IQCE: variants seen among roughly 807,000 people sequenced by gnomAD.
IQCE encodes IQ domain-containing protein E.
In IQCE, 115 loss-of-function variants were observed where a neutral mutation model predicts 96.0. The ratio of observed to expected loss-of-function variants is 1.20; its 90% CI spans 1.03 to 1.40. The LOEUF (loss-of-function observed/expected upper bound fraction) is 1.40. Ranked by LOEUF, IQCE falls within the 40% of genes most tolerant of loss-of-function variation. IQCE has a pLI of 0.00. For missense variants in IQCE, 1,041 were observed against 909.1 expected (o/e 1.15, Z -1.87); for synonymous variants, 412 against 371.2 (o/e 1.11, Z -1.26).
intron 6 of IQCE, among the ~76,000 whole-genome samples, chr7:2,577,753 G>A (rs1282261416): frequency 9.0e-6 from 1 of 110,538 alleles, no homozygotes; most frequent in Non-Finnish European, 1.8e-5. Context: ...TGGCGTGTGC[G>A]TGGCTGTGCG....
At chr7:2,578,120 G>A (rs559610767) in intron 6 of IQCE, 122 bp from the exon 7 acceptor site, 43 of 694,436 alleles carry the variant, frequency 6.2e-5, no homozygotes, top group South Asian at 3.2e-4. Context: ...GTGGCTGTGC[G>A]CGTGGGGACG....
intron 2 of IQCE, among the ~76,000 whole-genome samples, chr7:2,567,695 G>T (rs1182036235): frequency 6.6e-6 from 1 of 152,198 alleles, no homozygotes; most frequent in African/African-American, 2.4e-5. Flanking sequence ...TGCTCTTCTC[G>T]TGTATGAGCG....
chr7:2,612,159 C>G lies in IQCE; in HGVS notation c.*1997C>G, dbSNP rs1020021621. On this transcript the variant is annotated 3_prime_UTR_variant, in exon 22 of 22. Transcript: ENST00000402050. The stretch of plus-strand genomic sequence containing the variant: ...GTGGCCTAGAGCTTTGGGTTACAGG[C>G]ATGGAGAGGGCTTTCCTGCCTCAGG... 2 of 152,246 alleles carry G rather than the reference C, an allele frequency of 1.3e-5. No individual in the cohort carries two copies. Among genetic ancestry groups the G allele is most frequent in the Admixed American group, 6.5e-5 (1 of 15,286 alleles). The allele number at this position is 152,246 out of a possible 1,614,324, so 9.4% of individuals were successfully genotyped here.
rs78049930 is a variant in IQCE at position 2,607,171 on chromosome 7, C to G, written c.1913C>G (p.Ser638Trp). 2,352 of 1,612,518 alleles carry G rather than the reference C, an allele frequency of 1.5e-3. 33 individuals carry two copies. In the African/African-American group the frequency reaches 0.026, roughly 18 times the overall value. ...TTTAASTRRRSASATHGDASS... is the reference protein window; with the variant it reads ...TTTAASTRRRWASATHGDASS... ...ACCGCAGCTTCTACCAGGAGGAGATCGGCTTCAGCCACACACGGGGACGCC... is the reference window on the plus strand; with the variant it reads ...ACCGCAGCTTCTACCAGGAGGAGATGGGCTTCAGCCACACACGGGGACGCC... The change falls in exon 21 of 22, where the codon TCG becomes TGG. Residue 638 changes from serine to tryptophan, a missense_variant. Coordinates refer to ENST00000402050, the MANE Select transcript of IQCE (RefSeq NM_152558.5).
rs756267665 is a variant in IQCE at position 2,598,449 on chromosome 7, C to T, written c.1441-16C>T. 14 of 1,557,170 alleles carry T rather than the reference C, an allele frequency of 9.0e-6. No individual in the cohort carries two copies. In the South Asian group the frequency reaches 1.3e-4, roughly 15 times the overall value. On this transcript the variant is annotated splice_polypyrimidine_tract_variant and intron_variant, in intron 16 of 21. Transcript: ENST00000402050. ...CCCTGGCTTCATTGTCCTCTTACTCCTTCAATTTCCTGCAGGCCCAAGAGC... is the reference window on the plus strand; with the variant it reads ...CCCTGGCTTCATTGTCCTCTTACTCTTTCAATTTCCTGCAGGCCCAAGAGC...
rs1309831970 is a variant in IQCE at position 2,583,690 on chromosome 7, T to C, written c.755T>C (p.Met252Thr). ...AACCTGGAAGAGATGCGGATCGCCA[T>C]GGAGACATACTACGAGGAGGTGCGC... is the stretch of plus-strand genomic sequence containing the variant. ...TTNLEEMRIA[M>T]ETYYEEVHRL... is the part of the protein sequence containing the mutation. The change falls in exon 10 of 22, where the codon ATG becomes ACG. Residue 252 changes from methionine (M) to threonine (T), a missense_variant. Transcript: ENST00000402050. 3 of 1,552,308 alleles carry C rather than the reference T, an allele frequency of 1.9e-6. No individual in the cohort carries two copies. Among genetic ancestry groups the C allele is most frequent in the Non-Finnish European group, 2.6e-6 (3 of 1,144,634 alleles).
At position 2,610,355 on chromosome 7, in the gene IQCE, G is replaced by A. The variant is rs1583531436; in HGVS notation, c.*193G>A. On this transcript the variant is annotated 3_prime_UTR_variant, in exon 22 of 22. Coordinates refer to ENST00000402050, the MANE Select transcript of IQCE (RefSeq NM_152558.5). ...GCCTTTACTTTATTCTCTGGGGAGGGCCAGCGGCTCGCATCCCCCTCATCT... is the reference window on the plus strand; with the variant it reads ...GCCTTTACTTTATTCTCTGGGGAGGACCAGCGGCTCGCATCCCCCTCATCT... The A allele has an allele frequency of 5.6e-6, 3 of 535,128 alleles. No homozygotes were observed. The highest frequency in any genetic ancestry group is 1.9e-5 in the African/African-American group (1 of 52,202). 33.1% of individuals were successfully genotyped at this position (535,128 alleles called of 1,614,324 possible).
chr7:2,608,223 C>T (rs921280869), intron 21 of IQCE, among the ~76,000 whole-genome samples: 2 of 152,170 alleles, frequency 1.3e-5, no homozygotes, highest in African/African-American at 2.4e-5. Flanking sequence ...GGGCCCGTGG[C>T]GGGCGGAGGC....
At chr7:2,604,758 C>A in intron 18 of IQCE, 123 bp from the exon 19 acceptor site, 1 of 668,918 alleles carries the variant, frequency 1.5e-6, no homozygotes, top group Non-Finnish European at 2.7e-6. Flanking sequence ...CGTGGCTGCA[C>A]AGCAGTGAAG....
intron 8 of IQCE, 51 bp downstream of exon 8, chr7:2,578,577 G>C: frequency 6.3e-7 from 1 of 1,598,102 alleles, no homozygotes; most frequent in Non-Finnish European, 8.6e-7. Flanking sequence ...CTAGTTACTG[G>C]GGACAGCCAC....
intron 8 of IQCE, among the ~76,000 whole-genome samples, 197 bp downstream of exon 8, chr7:2,578,723 C>T (rs1352332559): frequency 6.6e-6 from 1 of 152,146 alleles, no homozygotes; most frequent in Non-Finnish European, 1.5e-5. Context: ...CCACAGAGGC[C>T]AAGCAAGACA....
At chr7:2,583,436 G>A (rs555595850) in intron 9 of IQCE, among the ~76,000 whole-genome samples, 15 of 151,988 alleles carry the variant, frequency 9.9e-5, no homozygotes, top group African/African-American at 2.2e-4. Flanking sequence ...GCTTTCCAGC[G>A]TGAGGAATTC....
intron 17 of IQCE, among the ~76,000 whole-genome samples, chr7:2,600,138 G>C (rs893798158): frequency 6.6e-6 from 1 of 152,064 alleles, no homozygotes; most frequent in African/African-American, 2.4e-5. Context: ...CAATGGGCAG[G>C]CCAATGTGTT....
Position 2,605,911 on chromosome 7 carries a change from C to T in IQCE, c.1779C>T (p.Ala593=). 1 of 1,608,256 alleles carries T rather than the reference C, an allele frequency of 6.2e-7. No homozygotes were observed. Among genetic ancestry groups the T allele is most frequent in the East Asian group, 2.3e-5 (1 of 44,364 alleles). ...SPVPRVPSPI[A]QATGSPVQEE... ...TGCCCCGCGTTCCGAGCCCCATCGC[C>T]CAGGCCACGGGCAGCCCTGTGCAGG... The change falls in exon 20 of 22, where the codon GCC becomes GCT. Residue 593 remains alanine, a synonymous_variant. Transcript: ENST00000402050.
intron 13 of IQCE, among the ~76,000 whole-genome samples, chr7:2,588,198 A>C (rs1783281973): frequency 6.6e-6 from 1 of 152,034 alleles, no homozygotes; most frequent in Admixed American, 6.5e-5. Flanking sequence ...CCCACCACTC[A>C]AGTCGTGTTG....
Position 2,610,602 on chromosome 7 carries a change from C to T in IQCE, c.*440C>T. The T allele has an allele frequency of 5.5e-6, 1 of 180,996 alleles. No homozygotes were observed. Among genetic ancestry groups the T allele is most frequent in the East Asian group, 1.7e-4 (1 of 5,920 alleles). The allele number at this position is 180,996 out of a possible 1,614,324, so 11.2% of individuals were successfully genotyped here. A position where few individuals can be genotyped will look rare whatever the true frequency, so the allele number is the denominator to read the frequency against. Reference sequence around the variant, plus strand: ...CAGGATTTGCTCGATCTCAGCCCAGCAGGCCAGGCAGACACACCCCGCTGT... The same window carrying T: ...CAGGATTTGCTCGATCTCAGCCCAGTAGGCCAGGCAGACACACCCCGCTGT... On this transcript the variant is annotated 3_prime_UTR_variant, in exon 22 of 22. Transcript: ENST00000402050.
intron 8 of IQCE, 28 bp downstream of exon 8, chr7:2,578,554 C>T (rs1342141143): frequency 6.2e-7 from 1 of 1,613,042 alleles, no homozygotes. Flanking sequence ...AGGACAGAGC[C>T]TTTCCCCAGA....
At chr7:2,574,145 T>G (rs1031941355) in intron 6 of IQCE, among the ~76,000 whole-genome samples, 4 of 152,246 alleles carry the variant, frequency 2.6e-5, no homozygotes, top group African/African-American at 9.6e-5. Context: ...GCTTTCAGTA[T>G]CCGTAAATGT....
At position 2,586,370 on chromosome 7, in the gene IQCE, G is replaced by A; in HGVS notation, c.987G>A (p.Gln329=). The part of the protein sequence containing the change: ...LSTSPTISKT[Q]GYVEWSKPRL... ...CCTCCCCAACCATCTCCAAGACACA[G>A]GGTACCTTCCTGAAAGCCACTCCAG... Residue 329 remains glutamine, a splice_region_variant and synonymous_variant, in exon 12 of 22, where the codon CAG becomes CAA. Transcript: ENST00000402050. 4 of 1,610,380 alleles carry A rather than the reference G, an allele frequency of 2.5e-6. No homozygotes were observed. The highest frequency in any genetic ancestry group is 3.4e-6 in the Non-Finnish European group (4 of 1,179,084).
Sources: allele counts gnomAD v4.1 joint callset (sites outside exome capture counted in the v4.1 genomes callset), GRCh38; gene constraint gnomAD v4.1.1; transcripts MANE v1.5; gene names NCBI Gene and HGNC (gene_info 2026-07-23, HGNC 2026-07-21).